Variants in MSMO1 observed in about 807,000 individuals in gnomAD.
MSMO1 encodes the protein methylsterol monooxygenase 1.
A neutral mutation model predicts 30.4 loss-of-function variants in MSMO1; 18 were observed. The ratio of observed to expected loss-of-function variants is 0.59; its 90% CI spans 0.41 to 0.88. The LOEUF is 0.88. MSMO1 is among the 40% of genes least tolerant of loss of function. The pLI, the probability that MSMO1 is intolerant of heterozygous loss-of-function variation, is 0.00. For missense variants in MSMO1, 284 were observed against 340.5 expected (o/e 0.83, Z 1.31); for synonymous variants, 84 against 107.9 (o/e 0.78, Z 1.37).
intron 4 of MSMO1, among the ~76,000 whole-genome samples, chr4:165,339,116 T>TTTTTTTTG: frequency 1.4e-5 from 2 of 145,488 alleles, no homozygotes; most frequent in Non-Finnish European, 1.5e-5. Context: ...TTTTTTTTTT[T>TTTTTTTTG]TTTTTGAGAT....
intron 2 of MSMO1, among the ~76,000 whole-genome samples, chr4:165,335,440 G>A (rs1436198103): frequency 6.6e-6 from 1 of 152,194 alleles, no homozygotes; most frequent in East Asian, 1.9e-4. Flanking sequence ...AAGCTCCAAA[G>A]TGCTTTTTAG....
chr4:165,337,678 G>A (rs1747596887), intron 2 of MSMO1, 111 bp from the exon 3 acceptor site: 1 of 1,077,240 alleles, frequency 9.3e-7, no homozygotes. Flanking sequence ...GTTATATAAA[G>A]TTAACATAAC....
intron 2 of MSMO1, among the ~76,000 whole-genome samples, chr4:165,335,896 T>C (rs1747527906): frequency 6.6e-6 from 1 of 152,210 alleles, no homozygotes. Context: ...CCAGGACTAG[T>C]TTTCACAAGT....
At chr4:165,335,097 T>C (rs1340130339) in intron 2 of MSMO1, among the ~76,000 whole-genome samples, 5 of 152,198 alleles carry the variant, frequency 3.3e-5, no homozygotes, top group African/African-American at 1.2e-4. Context: ...TGTCAAATAC[T>C]ATGTCATTTT....
In MSMO1 at chr4:165,342,936, G is replaced by T. The variant is rs1747755445; in HGVS notation, c.*990G>T. On this transcript the variant is annotated 3_prime_UTR_variant, in exon 6 of 6. Transcript: ENST00000261507. Reference sequence around the variant, plus strand: ...CTTGAATTTTTTTAAAAATTGAGGAGCTTTATTTCTATTTACCCTTCCATT... The same window carrying T: ...CTTGAATTTTTTTAAAAATTGAGGATCTTTATTTCTATTTACCCTTCCATT... 6.6e-6 allele frequency: 1 copy of T among 152,510 alleles called. No individual in the cohort carries two copies. The highest frequency in any genetic ancestry group is 1.5e-5 in the Non-Finnish European group (1 of 68,000). The allele number at this position is 152,510 out of a possible 1,614,324, so 9.4% of individuals were successfully genotyped here.
chr4:165,333,495 A>G lies in MSMO1; in HGVS notation c.125A>G (p.Asn42Ser). The change falls in exon 2 of 6, where the codon AAT becomes AGT. Residue 42 changes from asparagine (N) to serine (S), a missense_variant. By Grantham distance (46) the Asn-to-Ser change is conservative. Transcript: ENST00000261507. Reference protein sequence around the residue: ...PFKNAWNYMLNNYTKFQIATW... With the variant: ...PFKNAWNYMLSNYTKFQIATW... ...AAAAATGCTTGGAACTATATGTTGA[A>G]TAATTATACAAAGTTCCAGATTGCA... is the stretch of plus-strand genomic sequence containing the variant. 6.2e-7 allele frequency: 1 copy of G among 1,613,620 alleles called. No homozygotes were observed. The highest frequency in any genetic ancestry group is 8.5e-7 in the Non-Finnish European group (1 of 1,179,766).
chr4:165,338,176 T>C (rs1028133256), intron 3 of MSMO1, among the ~76,000 whole-genome samples: 8 of 152,102 alleles, frequency 5.3e-5, no homozygotes, highest in African/African-American at 1.9e-4. Context: ...CTTTTGTATG[T>C]TTATATACAT....
At chr4:165,332,327 C>G (rs1234449517) in intron 1 of MSMO1, among the ~76,000 whole-genome samples, 1 of 152,152 alleles carries the variant, frequency 6.6e-6, no homozygotes, top group Non-Finnish European at 1.5e-5. Context: ...GCGTATAGAT[C>G]TTCCCTGTTC....
intron 3 of MSMO1, 92 bp downstream of exon 3, chr4:165,338,029 ATGTT>A: frequency 2.1e-5 from 25 of 1,213,880 alleles, no homozygotes; most frequent in Non-Finnish European, 3.0e-5. Flanking sequence ...ATTTTAGTTA[ATGTT>A]TGTTCTAAAC....
chr4:165,341,810 A>G lies in MSMO1; in HGVS notation c.746A>G (p.His249Arg). ...ATCCCTTTCTATGCTGGTTCTCGGC[A>G]TCATGATTTCCACCACATGAACTTC... ...NLIPFYAGSR[H>R]HDFHHMNFIG... The change falls in exon 6 of 6, where the codon CAT becomes CGT. Residue 249 changes from histidine to arginine, a missense_variant. Transcript: ENST00000261507. 3 of 1,613,744 alleles carry G rather than the reference A, an allele frequency of 1.9e-6. No individual in the cohort carries two copies. The highest frequency in any genetic ancestry group is 2.5e-6 in the Non-Finnish European group (3 of 1,179,748).
rs571068925 is a variant in MSMO1 at position 165,338,356 on chromosome 4, A to G, written c.405-296A>G. ...CACACATATATATATACACACACATATATATACTCATGCGTCACTTAACGG... is the reference window on the plus strand; with the variant it reads ...CACACATATATATATACACACACATGTATATACTCATGCGTCACTTAACGG... On this transcript the variant is annotated intron_variant, in intron 3 of 5. Transcript: ENST00000261507. Among the ~76,000 whole-genome samples, 165 of 151,426 alleles carry G rather than the reference A, an allele frequency of 1.1e-3. No homozygotes were observed. The Middle Eastern group carries it at 0.014, about 13-fold the overall frequency.
At chr4:165,337,149 G>A (rs1162176483) in intron 2 of MSMO1, among the ~76,000 whole-genome samples, 1 of 152,152 alleles carries the variant, frequency 6.6e-6, no homozygotes. Flanking sequence ...GTTAGTGTTT[G>A]TTTTGTTTTG....
intron 2 of MSMO1, 101 bp downstream of exon 2, chr4:165,333,726 A>G: frequency 7.9e-7 from 1 of 1,265,024 alleles, no homozygotes; most frequent in Non-Finnish European, 1.1e-6. Flanking sequence ...AGTGATATCC[A>G]ATAGAAATAT....
chr4:165,337,989 A>C (rs752626560), intron 3 of MSMO1, 52 bp downstream of exon 3: 1 of 1,522,170 alleles, frequency 6.6e-7, no homozygotes, highest in South Asian at 1.1e-5. Context: ...TATTCAGTTA[A>C]GTTATACTTA....
Position 165,340,368 on chromosome 4 carries a change from G to A in MSMO1, c.679G>A (p.Val227Ile). 6.2e-7 allele frequency: 1 copy of A among 1,612,184 alleles called. No individual in the cohort carries two copies. Among genetic ancestry groups the A allele is most frequent in the Non-Finnish European group, 8.5e-7 (1 of 1,178,600 alleles). ...VTIRLLETIDVHSGYDIPLNP... is the reference protein window; with the variant it reads ...VTIRLLETIDIHSGYDIPLNP... ...CATTCGTTTATTAGAAACTATTGAT[G>A]TCCATAGGTGAGTATTAATTTCTGT... Residue 227 changes from valine (V) to isoleucine (I), a missense_variant, in exon 5 of 6, where the codon GTC becomes ATC. By Grantham distance (29) the Val-to-Ile change is conservative. Coordinates refer to ENST00000261507, the MANE Select transcript of MSMO1 (RefSeq NM_006745.5).
At chr4:165,338,818 A>G in intron 4 of MSMO1, 40 bp downstream of exon 4, 1 of 1,517,366 alleles carries the variant, frequency 6.6e-7, no homozygotes, top group Non-Finnish European at 9.1e-7. Flanking sequence ...GTTAGAGGCA[A>G]AATGTCTATT....
At chr4:165,333,073 A>G (rs760905386) in intron 1 of MSMO1, among the ~76,000 whole-genome samples, 9 of 151,980 alleles carry the variant, frequency 5.9e-5, no homozygotes, top group Non-Finnish European at 1.2e-4. Context: ...GCTTGAAAAA[A>G]TTTTTCCCCT....
At chr4:165,330,292 T>C (rs1747355409) in intron 1 of MSMO1, among the ~76,000 whole-genome samples, 1 of 152,196 alleles carries the variant, frequency 6.6e-6, no homozygotes, top group Non-Finnish European at 1.5e-5. Context: ...GAAGGTGTGG[T>C]AAGGATTAAA....
At chr4:165,336,619 C>T (rs142589889) in intron 2 of MSMO1, among the ~76,000 whole-genome samples, 3 of 152,238 alleles carry the variant, frequency 2.0e-5, no homozygotes, top group African/African-American at 7.2e-5. Context: ...ATTTTGTCCC[C>T]AATTACAGAG....
Sources: allele counts gnomAD v4.1 joint callset (sites outside exome capture counted in the v4.1 genomes callset), GRCh38; gene constraint gnomAD v4.1.1; transcripts MANE v1.5; gene names NCBI Gene and HGNC (gene_info 2026-07-23, HGNC 2026-07-21).